The following ROBO1 variants were observed in gnomAD, a reference collection of about 807,000 sequenced individuals.
ROBO1 encodes the protein roundabout guidance receptor 1, also known as roundabout homolog 1.
ROBO1 carries 149 observed loss-of-function variants against 195.9 expected under a neutral mutation model. The ratio of observed to expected loss-of-function variants is 0.76; its 90% confidence interval spans 0.67 to 0.87. The LOEUF (loss-of-function observed/expected upper bound fraction) is 0.87. Among genes scored for constraint, ROBO1 ranks in the 40% least tolerant of loss-of-function variants. ROBO1 has a pLI of 0.00. For missense variants in ROBO1, 1,933 were observed against 2,068.3 expected (o/e 0.93, Z 1.27); for synonymous variants, 816 against 733.2 (o/e 1.11, Z -1.82).
intron 2 of ROBO1, among the ~76,000 whole-genome samples, chr3:79,271,062 G>A (rs1297888709): frequency 6.6e-6 from 1 of 151,836 alleles, no homozygotes; most frequent in Non-Finnish European, 1.5e-5. Context: ...TTATTATCAT[G>A]TCATAGCCAA....
chr3:79,355,859 C>CT (rs1474418908), intron 2 of ROBO1, among the ~76,000 whole-genome samples: 1 of 152,086 alleles, frequency 6.6e-6, no homozygotes, highest in Non-Finnish European at 1.5e-5. Flanking sequence ...GTGAAGAGTG[C>CT]TACAGTAAAG....
At chr3:79,337,517 G>A (rs917628412) in intron 2 of ROBO1, among the ~76,000 whole-genome samples, 10 of 152,100 alleles carry the variant, frequency 6.6e-5, no homozygotes, top group African/African-American at 2.4e-4. Context: ...TGCAATGATT[G>A]TAAGTTTCCT....
At chr3:79,749,885 C>A (rs1413639801) in intron 1 of ROBO1, among the ~76,000 whole-genome samples, 3 of 152,180 alleles carry the variant, frequency 2.0e-5, no homozygotes, top group African/African-American at 2.4e-5. Context: ...GGGTCAGAGC[C>A]CCCACACAGA....
chr3:78,696,731 T>A (rs1429741147), intron 8 of ROBO1, among the ~76,000 whole-genome samples: 2 of 146,350 alleles, frequency 1.4e-5, no homozygotes, highest in South Asian at 4.2e-4. Flanking sequence ...TATACATGTA[T>A]ATATACATAT....
intron 18 of ROBO1, among the ~76,000 whole-genome samples, chr3:78,653,615 T>C (rs995094400): frequency 6.6e-6 from 1 of 152,216 alleles, no homozygotes; most frequent in Non-Finnish European, 1.5e-5. Context: ...CTGTGAGTAA[T>C]AAACTGCTTC....
At chr3:79,339,683 T>C (rs1194876517) in intron 2 of ROBO1, among the ~76,000 whole-genome samples, 1 of 152,166 alleles carries the variant, frequency 6.6e-6, no homozygotes, top group East Asian at 1.9e-4. Flanking sequence ...TTTAGTTTTG[T>C]ATTTTCCATC....
At chr3:78,646,664 G>A (rs1369835374) in intron 20 of ROBO1, among the ~76,000 whole-genome samples, 1 of 149,230 alleles carries the variant, frequency 6.7e-6, no homozygotes, top group African/African-American at 2.4e-5. Context: ...GTAAGTCAAA[G>A]AGAAATGTTA....
intron 2 of ROBO1, among the ~76,000 whole-genome samples, chr3:79,171,203 T>C (rs72896084): frequency 5.3e-4 from 79 of 150,292 alleles, no homozygotes; most frequent in African/African-American, 1.9e-3. Context: ...ATTACACATA[T>C]TATGTTAAAA....
At chr3:79,474,452 G>T (rs370901978) in intron 2 of ROBO1, among the ~76,000 whole-genome samples, 1 of 152,002 alleles carries the variant, frequency 6.6e-6, no homozygotes, top group South Asian at 2.1e-4. Flanking sequence ...TAAAAGTTGA[G>T]GTAATAATAG....
rs902227843 is a variant in ROBO1, at chr3:79,240,078, T to A, written c.89-114539A>T. ...GAGAATATTTAAAGCCTTTTAGCAA[T>A]GTTTAGGTATGTAGTACTTGTTATT... On this transcript the variant is annotated intron_variant, in intron 2 of 30. Coordinates refer to ENST00000464233, the MANE Select transcript of ROBO1 (RefSeq NM_002941.4). 2.0e-5 allele frequency among the ~76,000 whole-genome samples: 3 copies of A among 152,284 alleles called. No individual in the cohort carries two copies. In the South Asian group the frequency reaches 6.2e-4, roughly 32 times the overall value.
At chr3:79,419,213 T>C (rs1235302248) in intron 2 of ROBO1, among the ~76,000 whole-genome samples, 1 of 152,138 alleles carries the variant, frequency 6.6e-6, no homozygotes. Context: ...CCAGCCACTG[T>C]AATAAATGGA....
intron 3 of ROBO1, among the ~76,000 whole-genome samples, chr3:79,026,179 T>C (rs1448905094): frequency 6.6e-6 from 1 of 152,124 alleles, no homozygotes; most frequent in Non-Finnish European, 1.5e-5. Flanking sequence ...AGTATTTATA[T>C]GACATTATGT....
intron 2 of ROBO1, among the ~76,000 whole-genome samples, chr3:79,275,122 C>G (rs1199932782): frequency 6.6e-6 from 1 of 151,986 alleles, no homozygotes; most frequent in African/African-American, 2.4e-5. Context: ...TACTTCCAAA[C>G]TGATTCTACA....
chr3:79,087,065 TTTAA>T (rs1220712617), intron 3 of ROBO1, among the ~76,000 whole-genome samples: 1 of 152,066 alleles, frequency 6.6e-6, no homozygotes, highest in Admixed American at 6.6e-5. Flanking sequence ...AATAATCATA[TTTAA>T]TTAATATGCA....
chr3:79,504,393 A>C (rs1266107466), intron 2 of ROBO1, among the ~76,000 whole-genome samples: 1 of 152,156 alleles, frequency 6.6e-6, no homozygotes, highest in Non-Finnish European at 1.5e-5. Context: ...GCTTTGTAAA[A>C]TGCTGAAAAT....
intron 2 of ROBO1, among the ~76,000 whole-genome samples, chr3:79,150,015 C>T (rs1011290707): frequency 2.3e-4 from 35 of 151,704 alleles, no homozygotes; most frequent in Non-Finnish European, 1.3e-4. Context: ...GGTGAAGGTC[C>T]GTTATCACTG....
intron 2 of ROBO1, among the ~76,000 whole-genome samples, chr3:79,323,271 G>A (rs1328663951): frequency 2.0e-5 from 3 of 151,902 alleles, no homozygotes; most frequent in Admixed American, 6.6e-5. Flanking sequence ...TAGTAGAGAC[G>A]GGGTTTCATC....
At chr3:79,620,641 C>A (rs1179089367) in intron 1 of ROBO1, among the ~76,000 whole-genome samples, 3 of 152,062 alleles carry the variant, frequency 2.0e-5, no homozygotes, top group African/African-American at 7.2e-5. Context: ...CATTGCCACC[C>A]TTTTCCCCAG....
chr3:79,570,017 C>A (rs920567248), intron 2 of ROBO1, among the ~76,000 whole-genome samples: 3 of 151,980 alleles, frequency 2.0e-5, no homozygotes, highest in Non-Finnish European at 2.9e-5. Flanking sequence ...GGAAGATCAA[C>A]CTGAGCCCAG....
Sources: gnomAD v4.1 joint callset for allele counts (sites outside exome capture counted in the v4.1 genomes callset) on GRCh38, gnomAD v4.1.1 for gene constraint, MANE v1.5 for transcripts, NCBI Gene and HGNC (gene_info 2026-07-23, HGNC 2026-07-21) for gene names.